The following HOMER3 variants were observed in gnomAD, a reference collection of about 807,000 sequenced individuals.
The protein encoded by HOMER3 is homer scaffold protein 3, also known as homer protein homolog 3.
HOMER3 carries 34 observed loss-of-function variants against 45.5 expected under a neutral mutation model. The observed-to-expected ratio is 0.75, with a 90% CI of 0.57 to 1.00. The LOEUF (loss-of-function observed/expected upper bound fraction) is 1.00, where lower values mean the gene tolerates loss of function less well. HOMER3 is among the 50% of genes least tolerant of loss of function. The pLI is 0.00. For synonymous variants in HOMER3, 223 were observed against 208.8 expected (o/e 1.07, Z -0.58); for missense variants, 480 against 497.5 (o/e 0.96, Z 0.33).
rs575872302 is a variant in HOMER3, at chr19:18,935,697, G to A, written c.304-1287C>T. ...AGGATATGTTTCCCCCCACCACCCC[G>A]GTTTTAAAATAAATTTCCTTAGTTT... On this transcript the variant is annotated intron_variant, in intron 4 of 9. Transcript: ENST00000392351. Among the ~76,000 whole-genome samples the A allele has an allele frequency of 7.9e-5, 12 of 152,152 alleles. No individual in the cohort carries two copies. The East Asian group carries it at 2.1e-3, about 27-fold the overall frequency.
intron 4 of HOMER3, among the ~76,000 whole-genome samples, chr19:18,935,872 T>TAAAAAAACAAAA (rs2057087020): frequency 3.3e-4 from 49 of 148,934 alleles, no homozygotes; most frequent in Admixed American, 5.4e-4. Context: ...ACACAAAAAT[T>TAAAAAAACAAAA]AGCCAGGCAT....
chr19:18,929,571 C>T lies in HOMER3; in HGVS notation c.958G>A (p.Glu320Lys). The T allele has an allele frequency of 1.3e-6, 2 of 1,548,764 alleles. No individual in the cohort carries two copies. The highest frequency in any genetic ancestry group is 2.4e-5 in the East Asian group (1 of 41,340). The part of the protein sequence containing the change: ...QLRAMERSLE[E>K]ARAERERARA... Reference sequence around the variant, plus strand: ...GCCCGCTCCCGCTCTGCCCGTGCCTCCTCCAGGCTGCGCTCCATCGCCCGC... The same window carrying T: ...GCCCGCTCCCGCTCTGCCCGTGCCTTCTCCAGGCTGCGCTCCATCGCCCGC... Residue 320 changes from glutamate to lysine, a missense_variant, in exon 10 of 10, where the codon GAG becomes AAG. Transcript: ENST00000392351.
chr19:18,933,739 C>G (rs1283184182), intron 5 of HOMER3, among the ~76,000 whole-genome samples: 2 of 151,996 alleles, frequency 1.3e-5, no homozygotes, highest in African/African-American at 4.8e-5. Flanking sequence ...GAGTCACACT[C>G]TGTCACCCAG....
intron 1 of HOMER3, chr19:18,940,656 C>G (rs2057145899): frequency 6.6e-6 from 1 of 152,220 alleles, no homozygotes; most frequent in South Asian, 2.1e-4. Flanking sequence ...CTTCGTGACT[C>G]CTCCTCTAAC....
In HOMER3 at chr19:18,931,581, G is replaced by T; in HGVS notation, c.735C>A (p.Thr245=). 6.2e-7 allele frequency: 1 copy of T among 1,613,096 alleles called. No individual in the cohort carries two copies. Among genetic ancestry groups the T allele is most frequent in the Non-Finnish European group, 8.5e-7 (1 of 1,179,966 alleles). ...CCTGGCCCAGCCCCTCCTTCTCACC[G>T]GTGGGGGTCACCTCTGAAGCTGCCT... ...EAQAASEVTP[T]GEKEGLGQGQ... is the part of the protein sequence containing the mutation. Residue 245 remains threonine, a synonymous_variant, in exon 8 of 10, where the codon ACC becomes ACA. Transcript: ENST00000392351.
chr19:18,934,245 G>C lies in HOMER3; in HGVS notation c.411+58C>G, dbSNP rs567910522. ...ATATCAAGGTCCCCCAATATCAGTTGAGCGCCTGGCTGACTCACAGGTGCC... is the reference window on the plus strand; with the variant it reads ...ATATCAAGGTCCCCCAATATCAGTTCAGCGCCTGGCTGACTCACAGGTGCC... On this transcript the variant is annotated intron_variant, in intron 5 of 9. Coordinates refer to ENST00000392351, the MANE Select transcript of HOMER3 (RefSeq NM_004838.4). 1.4e-3 allele frequency: 1,461 copies of C among 1,023,124 alleles called. 1 individual carries two copies. Among genetic ancestry groups the C allele is most frequent in the Non-Finnish European group, 1.7e-3 (1,269 of 735,696 alleles). The allele number at this position is 1,023,124 out of a possible 1,614,324, so 63.4% of individuals were successfully genotyped here.
intron 4 of HOMER3, among the ~76,000 whole-genome samples, chr19:18,936,812 AC>A (rs1363992890): frequency 6.6e-6 from 1 of 151,004 alleles, no homozygotes; most frequent in Non-Finnish European, 1.5e-5. Context: ...ACACGGTGAA[AC>A]CCCCGTCTCT....
chr19:18,933,013 G>A lies in HOMER3; in HGVS notation c.444C>T (p.Gly148=), dbSNP rs575936844. The part of the protein sequence containing the change: ...VPPSPLVSAN[G]PGEEKLFRSQ... ...TGCGGAACAGTTTTTCCTCGCCGGG[G>A]CCGTTGGCACTGACGAGAGGGCTCG... Residue 148 remains glycine (G), a synonymous_variant, in exon 6 of 10, where the codon GGC becomes GGT. Coordinates refer to ENST00000392351, the MANE Select transcript of HOMER3 (RefSeq NM_004838.4). 6.7e-7 allele frequency: 1 copy of A among 1,488,786 alleles called. No homozygotes were observed. Among genetic ancestry groups the A allele is most frequent in the Non-Finnish European group, 8.9e-7 (1 of 1,124,810 alleles). 92.2% of individuals were successfully genotyped at this position (1,488,786 alleles called of 1,614,324 possible).
chr19:18,940,813 C>T (rs1387131648), intron 1 of HOMER3: 3 of 142,826 alleles, frequency 2.1e-5, no homozygotes, highest in Non-Finnish European at 4.6e-5. Context: ...GGGACCTCTT[C>T]GCAGCCTCCT....
At position 18,938,845 on chromosome 19, in the gene HOMER3, T is replaced by C. The variant is rs1601288647; in HGVS notation, c.54A>G (p.Gln18=). 1 of 1,602,256 alleles carries C rather than the reference T, an allele frequency of 6.2e-7. No homozygotes were observed. ...PIFSTRAHVF[Q]IDPATKRNWI... The stretch of plus-strand genomic sequence containing the variant: ...AGTTTCGCTTGGTGGCTGGGTCAAT[T>C]TGGAACACGTGCGCCCGTGTGCTGA... The change falls in exon 3 of 10, where the codon CAA becomes CAG. Residue 18 remains glutamine, a synonymous_variant. Coordinates refer to ENST00000392351, the MANE Select transcript of HOMER3 (RefSeq NM_004838.4).
At position 18,931,801 on chromosome 19, in the gene HOMER3, G is replaced by A. The variant is rs557719727; in HGVS notation, c.690+175C>T. Among the ~76,000 whole-genome samples the A allele has an allele frequency of 2.0e-5, 3 of 152,240 alleles. No homozygotes were observed. In the South Asian group the frequency reaches 6.2e-4, roughly 32 times the overall value. On this transcript the variant is annotated intron_variant, in intron 7 of 9. Coordinates refer to ENST00000392351, the MANE Select transcript of HOMER3 (RefSeq NM_004838.4). ...GGACTTTAGTGTCTGATCACCCTCT[G>A]AGGCTGGCATTGTCTCAAACCCATT...
At chr19:18,932,600 TGAGG>T (rs959050768) in intron 6 of HOMER3, among the ~76,000 whole-genome samples, 1 of 150,968 alleles carries the variant, frequency 6.6e-6, no homozygotes, top group Non-Finnish European at 1.5e-5. Context: ...GTGGGAATGT[TGAGG>T]GAGGGATGGG....
chr19:18,930,906 G>A (rs991212175), intron 9 of HOMER3, among the ~76,000 whole-genome samples: 1 of 152,086 alleles, frequency 6.6e-6, no homozygotes, highest in Non-Finnish European at 1.5e-5. Context: ...TACTCAGGAG[G>A]CTGAGGCAGG....
Position 18,931,631 on chromosome 19 carries a change from G to A in HOMER3, c.691-6C>T, listed in dbSNP as rs1388569108. On this transcript the variant is annotated splice_polypyrimidine_tract_variant and splice_region_variant and intron_variant, in intron 7 of 9. Coordinates refer to ENST00000392351, the MANE Select transcript of HOMER3 (RefSeq NM_004838.4). ...TGAGCCTCCAGCTCAGCCACCTGTA[G>A]GGCAGGAATAGCAGCCCCTGACGCC... 6.3e-7 allele frequency: 1 copy of A among 1,596,162 alleles called. No homozygotes were observed. Among genetic ancestry groups the A allele is most frequent in the Non-Finnish European group, 8.5e-7 (1 of 1,171,508 alleles).
intron 4 of HOMER3, among the ~76,000 whole-genome samples, chr19:18,934,878 T>G (rs368527082): frequency 4.8e-5 from 6 of 125,110 alleles, no homozygotes; most frequent in East Asian, 2.2e-4. Context: ...TTTGTTTTTT[T>G]TTTTTTTGAG....
chr19:18,939,381 C>T, intron 1 of HOMER3: 2 of 215,190 alleles, frequency 9.3e-6, no homozygotes, highest in Admixed American at 5.2e-5. Context: ...GTCAAGGCTG[C>T]AGTGCAGTGA....
intron 4 of HOMER3, among the ~76,000 whole-genome samples, chr19:18,935,980 T>C (rs567902631): frequency 4.4e-4 from 66 of 149,962 alleles, no homozygotes; most frequent in African/African-American, 1.5e-3. Flanking sequence ...GATTGTGCCA[T>C]TGCACTCCAG....
chr19:18,940,048 G>C (rs2057137818), intron 1 of HOMER3: 1 of 152,870 alleles, frequency 6.5e-6, no homozygotes, highest in South Asian at 2.1e-4. Flanking sequence ...TTGGAGGAGG[G>C]GGAAGACAGG....
Position 18,939,065 on chromosome 19 carries a change from G to A in HOMER3, c.-67-16C>T. On this transcript the variant is annotated splice_polypyrimidine_tract_variant and intron_variant, in intron 1 of 9. Coordinates refer to ENST00000392351, the MANE Select transcript of HOMER3 (RefSeq NM_004838.4). ...GGTTTGGCCCCTAGGGAGAGAGGAG[G>A]GACTATGAGTGTCCCTCAGGCCAGG... is the stretch of plus-strand genomic sequence containing the variant. The A allele has an allele frequency of 2.9e-6, 4 of 1,385,292 alleles. No individual in the cohort carries two copies. Among genetic ancestry groups the A allele is most frequent in the Non-Finnish European group, 3.9e-6 (4 of 1,038,020 alleles). The allele number at this position is 1,385,292 out of a possible 1,614,324, so 85.8% of individuals were successfully genotyped here.
Sources: allele counts gnomAD v4.1 joint callset (sites outside exome capture counted in the v4.1 genomes callset), GRCh38; gene constraint gnomAD v4.1.1; transcripts MANE v1.5; gene names NCBI Gene and HGNC (gene_info 2026-07-23, HGNC 2026-07-21).